The following RAB3D variants were observed in gnomAD, a reference collection of about 807,000 sequenced individuals.
RAB3D encodes the protein RAB3D, member RAS oncogene family, also known as ras-related protein Rab-3D.
RAB3D carries 17 observed loss-of-function variants against 19.3 expected under a neutral mutation model. That is an observed-to-expected ratio of 0.88 (90% confidence interval 0.60 to 1.32). The LOEUF is 1.32. Ranked by LOEUF, RAB3D falls within the 40% of genes most tolerant of loss-of-function variation. The probability of loss-of-function intolerance (pLI) is 0.00; values close to 1 mark genes in which losing one functional copy is unlikely to be tolerated. For synonymous variants in RAB3D, 103 were observed against 119.9 expected, an observed-to-expected ratio of 0.86 and a Z score of 0.92; for missense variants, 223 against 299.1, an observed-to-expected ratio of 0.75 and a Z score of 1.88.
In RAB3D at chr19:11,325,377, G is replaced by A. The variant is rs762163610; in HGVS notation, c.*21C>T. On this transcript the variant is annotated 3_prime_UTR_variant, in exon 5 of 5. Transcript: ENST00000222120. The stretch of plus-strand genomic sequence containing the variant: ...CCCTGCCGAGGCAGGAGAGGGGTGG[G>A]TGGGGGGTTGGGGGCCATCTCTAGC... 3.4e-6 allele frequency: 5 copies of A among 1,485,752 alleles called. No homozygotes were observed. Among genetic ancestry groups the A allele is most frequent in the South Asian group, 1.2e-5 (1 of 82,800 alleles). 92.0% of individuals were successfully genotyped at this position (1,485,752 alleles called of 1,614,324 possible).
chr19:11,333,237 G>A (rs1305947154), intron 4 of RAB3D, among the ~76,000 whole-genome samples: 2 of 151,702 alleles, frequency 1.3e-5, no homozygotes, highest in Non-Finnish European at 2.9e-5. Flanking sequence ...CCACCACCAC[G>A]CCTGGCTAAT....
chr19:11,338,393 T>TG (rs969327397), intron 1 of RAB3D, among the ~76,000 whole-genome samples: 2 of 151,774 alleles, frequency 1.3e-5, no homozygotes, highest in Non-Finnish European at 2.9e-5. Flanking sequence ...TGGGGTGGGG[T>TG]GGGGGGAGGA....
In RAB3D at chr19:11,335,483, G is replaced by T. The variant is rs1199601775; in HGVS notation, c.436C>A (p.Pro146Thr). Residue 146 changes from proline (P) to threonine (T), a missense_variant, in exon 4 of 5, where the codon CCT becomes ACT. Physicochemically the swap from Pro to Thr is conservative, Grantham distance 38. Coordinates refer to ENST00000222120, the MANE Select transcript of RAB3D (RefSeq NM_004283.4). ...KCDLEDERVV[P>T]AEDGRRLADD... is the part of the protein sequence containing the mutation. ...GCGAGCCTCCGGCCATCCTCAGCAGGCACAACACGTTCGTCCTCCAGGTCA... is the reference window on the plus strand; with the variant it reads ...GCGAGCCTCCGGCCATCCTCAGCAGTCACAACACGTTCGTCCTCCAGGTCA... The T allele has an allele frequency of 1.9e-6, 3 of 1,614,044 alleles. No individual in the cohort carries two copies. The South Asian group carries it at 3.3e-5, about 18-fold the overall frequency.
intron 4 of RAB3D, among the ~76,000 whole-genome samples, chr19:11,331,228 G>A (rs546473726): frequency 1.1e-4 from 16 of 151,906 alleles, no homozygotes; most frequent in African/African-American, 3.6e-4. Flanking sequence ...TGGGGAGGCG[G>A]AGGTGGCAAT....
In RAB3D at chr19:11,324,898, T is replaced by TC. The variant is rs1215002877; in HGVS notation, c.*499dup. 1 of 152,694 alleles carries TC rather than the reference T, an allele frequency of 6.5e-6. No individual in the cohort carries two copies. The highest frequency in any genetic ancestry group is 1.5e-5 in the Non-Finnish European group (1 of 68,378). 9.5% of individuals were successfully genotyped at this position (152,694 alleles called of 1,614,324 possible). A position where few individuals can be genotyped will look rare whatever the true frequency, so the allele number is the denominator to read the frequency against. ...ATCCAGAAAGTTCGTGGGGGCAGGC[T>TC]CAGAGACCAGCCTGCAGGACCTGAG... On this transcript the variant is annotated 3_prime_UTR_variant, in exon 5 of 5. Coordinates refer to ENST00000222120, the MANE Select transcript of RAB3D (RefSeq NM_004283.4).
rs538004249 is a variant in RAB3D, at chr19:11,322,588, C to G, written c.*2810G>C. 6.6e-6 allele frequency: 1 copy of G among 152,272 alleles called. No homozygotes were observed. Among genetic ancestry groups the G allele is most frequent in the Middle Eastern group, 3.4e-3 (1 of 294 alleles). 9.4% of individuals were successfully genotyped at this position (152,272 alleles called of 1,614,324 possible). A position where few individuals can be genotyped will look rare whatever the true frequency, so the allele number is the denominator to read the frequency against. ...TCCCTGAGGTAATCTGCAAAAACAT[C>G]AGTTTTCAGTCCCCAGAGACCATTT... is the stretch of plus-strand genomic sequence containing the variant. On this transcript the variant is annotated 3_prime_UTR_variant, in exon 5 of 5. Coordinates refer to ENST00000222120, the MANE Select transcript of RAB3D (RefSeq NM_004283.4).
intron 2 of RAB3D, among the ~76,000 whole-genome samples, chr19:11,336,484 G>A (rs963820922): frequency 6.6e-6 from 1 of 151,632 alleles, no homozygotes; most frequent in Non-Finnish European, 1.5e-5. Flanking sequence ...AATGTTTAAA[G>A]TTTTTTTTAG....
Position 11,325,408 on chromosome 19 carries a change from C to T in RAB3D, c.650G>A (p.Cys217Tyr). 2.1e-6 allele frequency: 3 copies of T among 1,462,440 alleles called. No homozygotes were observed. Among genetic ancestry groups the T allele is most frequent in the Non-Finnish European group, 9.0e-7 (1 of 1,108,080 alleles). 90.6% of individuals were successfully genotyped at this position (1,462,440 alleles called of 1,614,324 possible). ...GGTTGGGGGCCATCTCTAGCAGCTG[C>T]AGCTGCTGGGCTGGGGGGCTGGAGC... ...GDAPAPQPSS[C>Y]SC The change falls in exon 5 of 5, where the codon TGC (cysteine) becomes TAC (tyrosine). Residue 217 changes from cysteine (C) to tyrosine (Y), a missense_variant. Physicochemically the swap from Cys to Tyr is radical, Grantham distance 194 (BLOSUM62 -2). Coordinates refer to ENST00000222120, the MANE Select transcript of RAB3D (RefSeq NM_004283.4).
intron 1 of RAB3D, among the ~76,000 whole-genome samples, chr19:11,338,805 G>C (rs1326772375): frequency 1.3e-5 from 2 of 152,152 alleles, no homozygotes; most frequent in African/African-American, 4.8e-5. Context: ...TAGGCTCCTT[G>C]AATCTGCCCA....
Position 11,325,500 on chromosome 19 carries a change from C to A in RAB3D, c.558G>T (p.Lys186Asn). The A allele has an allele frequency of 6.2e-7, 1 of 1,613,716 alleles. No individual in the cohort carries two copies. The change falls in exon 5 of 5, where the codon AAG (lysine) becomes AAT (asparagine). Residue 186 changes from lysine (K) to asparagine (N), a missense_variant. Transcript: ENST00000222120. The stretch of plus-strand genomic sequence containing the variant: ...AGCTGGGTTCCAGGGACTCGTTCAT[C>A]TTCTCGCAGATGACATCCACCAGGC... ...FERLVDVICEKMNESLEPSSS... is the reference protein window; with the variant it reads ...FERLVDVICENMNESLEPSSS...
chr19:11,336,371 C>T (rs1163464374), intron 2 of RAB3D, among the ~76,000 whole-genome samples: 1 of 152,046 alleles, frequency 6.6e-6, no homozygotes, highest in Admixed American at 6.6e-5. Flanking sequence ...TGCAGCGGTG[C>T]AATCATAGCT....
At chr19:11,328,044 A>T (rs1471580788) in intron 4 of RAB3D, among the ~76,000 whole-genome samples, 2 of 151,794 alleles carry the variant, frequency 1.3e-5, no homozygotes, top group Non-Finnish European at 2.9e-5. Context: ...AGAAAATATA[A>T]AAATTAAGGC....
At chr19:11,325,718 T>C (rs2080808815) in intron 4 of RAB3D, 133 bp from the exon 5 acceptor site, 7 of 783,988 alleles carry the variant, frequency 8.9e-6, no homozygotes, top group Middle Eastern at 3.6e-4. Flanking sequence ...TGTGTGCCTT[T>C]GCCACTCCAA....
chr19:11,337,183 GCTTGATC>G lies in RAB3D; in HGVS notation c.210_216del (p.Arg70SerfsTer101). 1 of 1,613,860 alleles carries G rather than the reference GCTTGATC, an allele frequency of 6.2e-7. No homozygotes were observed. The highest frequency in any genetic ancestry group is 8.5e-7 in the Non-Finnish European group (1 of 1,179,906). On this transcript the variant is annotated frameshift_variant, in exon 2 of 5. Coordinates refer to ENST00000222120, the MANE Select transcript of RAB3D (RefSeq NM_004283.4). LOFTEE classifies it high-confidence loss of function. ...GCCTCCCAGCCTACCCAGATCTGCA[GCTTGATC>G]CTCTTGTCATGGCGGTAGACGGTCT...
At chr19:11,337,510 T>C in intron 1 of RAB3D, 50 bp from the exon 2 acceptor site, 1 of 848,424 alleles carries the variant, frequency 1.2e-6, no homozygotes, top group Admixed American at 2.0e-5. Flanking sequence ...GCACCAGGCC[T>C]GGATTCAAAT....
At chr19:11,331,436 G>A (rs781100977) in intron 4 of RAB3D, among the ~76,000 whole-genome samples, 2 of 151,522 alleles carry the variant, frequency 1.3e-5, no homozygotes, top group Non-Finnish European at 2.9e-5. Flanking sequence ...ACCAGGTGCC[G>A]TGGCTCATGC....
At chr19:11,336,739 G>A (rs1314150640) in intron 2 of RAB3D, among the ~76,000 whole-genome samples, 2 of 151,986 alleles carry the variant, frequency 1.3e-5, no homozygotes, top group African/African-American at 4.8e-5. Context: ...GGGAGGCCGA[G>A]GTGGGCGGAT....
rs1031782347 is a variant in RAB3D at position 11,325,200 on chromosome 19, G to T, written c.*198C>A. 12 of 539,712 alleles carry T rather than the reference G, an allele frequency of 2.2e-5. 1 individual carries two copies. Among genetic ancestry groups the T allele is most frequent in the African/African-American group, 1.9e-4 (10 of 52,640 alleles). The allele number at this position is 539,712 out of a possible 1,614,324, so 33.4% of individuals were successfully genotyped here. On this transcript the variant is annotated 3_prime_UTR_variant, in exon 5 of 5. Coordinates refer to ENST00000222120, the MANE Select transcript of RAB3D (RefSeq NM_004283.4). ...ATGCAGAGCTGAGTCCCCATGGTCC[G>T]CAGCCTCCCACCGGGGCTGCCTGAG...
At chr19:11,325,837 G>A (rs1465882387) in intron 4 of RAB3D, among the ~76,000 whole-genome samples, 1 of 152,178 alleles carries the variant, frequency 6.6e-6, no homozygotes, top group Non-Finnish European at 1.5e-5. Context: ...ACTAAAGGAA[G>A]CTACGGCGGG....
Sources: gnomAD v4.1 joint callset for allele counts (sites outside exome capture counted in the v4.1 genomes callset) on GRCh38, gnomAD v4.1.1 for gene constraint, MANE v1.5 for transcripts, NCBI Gene and HGNC (gene_info 2026-07-23, HGNC 2026-07-21) for gene names.